MERTK: variants seen among roughly 807,000 people sequenced by gnomAD.
The protein encoded by MERTK is MER proto-oncogene, tyrosine kinase, also known as tyrosine-protein kinase Mer.
In MERTK, 69 loss-of-function variants were observed where a neutral mutation model predicts 99.3. The observed-to-expected ratio is 0.70, with a 90% CI of 0.57 to 0.85. The LOEUF (loss-of-function observed/expected upper bound fraction) is 0.85. Among genes scored for constraint, MERTK ranks in the 40% least tolerant of loss-of-function variants. The pLI is 0.00. For synonymous variants in MERTK, 426 were observed against 467.6 expected (o/e 0.91, Z 1.15); for missense variants, 1,125 against 1,249.4 (o/e 0.90, Z 1.50).
At chr2:111,962,545 G>A (rs563740300) in intron 4 of MERTK, among the ~76,000 whole-genome samples, 198 of 152,244 alleles carry the variant, frequency 1.3e-3, no homozygotes, top group African/African-American at 4.7e-3. Flanking sequence ...TAGACTTATA[G>A]AAAAACACTG....
intron 2 of MERTK, among the ~76,000 whole-genome samples, chr2:111,941,705 T>C (rs1458388175): frequency 6.6e-6 from 1 of 152,070 alleles, no homozygotes; most frequent in Non-Finnish European, 1.5e-5. Context: ...GCGACAAGTA[T>C]AATGATTTAT....
chr2:111,938,357 A>G (rs1177727755), intron 2 of MERTK, among the ~76,000 whole-genome samples: 1 of 152,026 alleles, frequency 6.6e-6, no homozygotes, highest in African/African-American at 2.4e-5. Flanking sequence ...TCAGCCTCCC[A>G]CAGTCTACTT....
intron 1 of MERTK, among the ~76,000 whole-genome samples, chr2:111,909,367 G>C (rs540397398): frequency 1.3e-5 from 2 of 152,276 alleles, no homozygotes; most frequent in South Asian, 4.1e-4. Context: ...CTTGACTCAT[G>C]ACAAGATAAC....
chr2:112,003,974 G>A lies in MERTK; in HGVS notation c.1857G>A (p.Lys619=), dbSNP rs781539402. 1.6e-5 allele frequency: 26 copies of A among 1,612,686 alleles called. No homozygotes were observed. Among genetic ancestry groups the A allele is most frequent in the Non-Finnish European group, 2.2e-5 (26 of 1,178,944 alleles). Residue 619 remains lysine, a synonymous_variant, in exon 13 of 19, where the codon AAG becomes AAA. Transcript: ENST00000295408. ...EDGTSLKVAV[K]TMKLDNSSQR... Reference sequence around the variant, plus strand: ...GGACCTCTCTGAAAGTGGCAGTGAAGACCATGAAGTGTGAGTTATCAGTGA... The same window carrying A: ...GGACCTCTCTGAAAGTGGCAGTGAAAACCATGAAGTGTGAGTTATCAGTGA...
intron 1 of MERTK, among the ~76,000 whole-genome samples, chr2:111,926,309 T>C (rs1209433709): frequency 6.6e-6 from 1 of 152,092 alleles, no homozygotes; most frequent in Admixed American, 6.5e-5. Context: ...TATATTTAAA[T>C]GGGGGAAAAA....
intron 8 of MERTK, among the ~76,000 whole-genome samples, chr2:111,991,301 C>G (rs116413133): frequency 0.01 from 1,555 of 152,270 alleles, 29 homozygotes; most frequent in African/African-American, 0.036. Context: ...TCTTGGCTCA[C>G]TGCATCCTCC....
At chr2:112,017,036 C>G (rs893145814) in intron 15 of MERTK, among the ~76,000 whole-genome samples, 14 of 152,162 alleles carry the variant, frequency 9.2e-5, no homozygotes, top group African/African-American at 3.1e-4. Context: ...AGTGAAAGAA[C>G]AAAGCTTCTA....
At chr2:111,920,569 T>C (rs1044298266) in intron 1 of MERTK, among the ~76,000 whole-genome samples, 35 of 151,958 alleles carry the variant, frequency 2.3e-4, no homozygotes, top group Non-Finnish European at 2.9e-4. Flanking sequence ...TTGTTTTTTT[T>C]TTTTCTTTTT....
intron 16 of MERTK, among the ~76,000 whole-genome samples, chr2:112,019,848 C>T (rs1677298584): frequency 6.6e-6 from 1 of 152,202 alleles, no homozygotes; most frequent in South Asian, 2.1e-4. Flanking sequence ...ATGTGTACGT[C>T]AGCTCCTCTT....
chr2:112,029,401 A>ACCT lies in MERTK; in HGVS notation c.*537_*538insCCT. ...TGAACTTACTTGAGACTTGAAAGAC[A>ACCT]GTGGTCGGCAGCGGCCTTGTGGCCT... On this transcript the variant is annotated 3_prime_UTR_variant, in exon 19 of 19. Transcript: ENST00000295408. The ACCT allele has an allele frequency of 2.2e-6, 2 of 905,450 alleles. No homozygotes were observed. Among genetic ancestry groups the ACCT allele is most frequent in the Non-Finnish European group, 2.6e-6 (2 of 756,874 alleles). 56.1% of individuals were successfully genotyped at this position (905,450 alleles called of 1,614,324 possible).
At chr2:111,955,917 A>G (rs1558785345) in intron 4 of MERTK, among the ~76,000 whole-genome samples, 1 of 147,792 alleles carries the variant, frequency 6.8e-6, no homozygotes, top group East Asian at 2.1e-4. Context: ...GAATTGAACA[A>G]TGAGAACACT....
intron 1 of MERTK, among the ~76,000 whole-genome samples, chr2:111,923,737 T>G (rs1684506488): frequency 1.3e-5 from 2 of 152,200 alleles, no homozygotes; most frequent in South Asian, 4.1e-4. Flanking sequence ...TTGATGTGGG[T>G]AAGCCTTTCA....
chr2:111,929,580 ATATTTATT>A, intron 2 of MERTK, 40 bp downstream of exon 2: 1 of 1,092,342 alleles, frequency 9.2e-7, no homozygotes, highest in Non-Finnish European at 1.3e-6. Flanking sequence ...TTTAGTTTTA[ATATTTATT>A]TATTTATTTA....
rs1677525099 is a variant in MERTK, at chr2:112,028,861, G to A, written c.2997G>A (p.Met999Ile). Residue 999 changes from methionine to isoleucine, a missense_variant, in exon 19 of 19, where the codon ATG becomes ATA. Coordinates refer to ENST00000295408, the MANE Select transcript of MERTK (RefSeq NM_006343.3). ...CCTCAGAAGGCTCAGAAGTCCTGATGTGAGGAGAGGTGCGGGGAGACATTC... is the reference window on the plus strand; with the variant it reads ...CCTCAGAAGGCTCAGAAGTCCTGATATGAGGAGAGGTGCGGGGAGACATTC... ...DDSSEGSEVLM is the reference protein window; with the variant it reads ...DDSSEGSEVLI The A allele has an allele frequency of 2.5e-6, 4 of 1,613,654 alleles. No individual in the cohort carries two copies. The highest frequency in any genetic ancestry group is 1.7e-5 in the Admixed American group (1 of 59,992).
intron 18 of MERTK, among the ~76,000 whole-genome samples, chr2:112,023,900 G>C (rs1043727352): frequency 1.3e-5 from 2 of 151,484 alleles, no homozygotes; most frequent in Admixed American, 1.3e-4. Context: ...CACACACACA[G>C]ACACACACAC....
At chr2:112,021,305 G>C (rs1446851550) in intron 16 of MERTK, 117 bp from the exon 17 acceptor site, 29 of 1,434,928 alleles carry the variant, frequency 2.0e-5, no homozygotes, top group Non-Finnish European at 2.7e-5. Context: ...ACAGGCTGGT[G>C]GTGTCTCTGT....
chr2:111,969,557 C>G lies in MERTK; in HGVS notation c.960+1305C>G, dbSNP rs146273000. 4.4e-3 allele frequency among the ~76,000 whole-genome samples: 670 copies of G among 152,286 alleles called. 10 individuals carry two copies. Among genetic ancestry groups the G allele is most frequent in the Admixed American group, 0.04 (609 of 15,288 alleles). ...TTGTGTTGACAACTAGATGTTTTTACTCGCTAGTCAAATTAATTTCTCTGT... is the reference window on the plus strand; with the variant it reads ...TTGTGTTGACAACTAGATGTTTTTAGTCGCTAGTCAAATTAATTTCTCTGT... On this transcript the variant is annotated intron_variant, in intron 6 of 18. Coordinates refer to ENST00000295408, the MANE Select transcript of MERTK (RefSeq NM_006343.3).
chr2:111,960,312 CTCCATTAAAAA>C (rs1164004899), intron 4 of MERTK, among the ~76,000 whole-genome samples: 4 of 151,906 alleles, frequency 2.6e-5, no homozygotes, highest in Non-Finnish European at 5.9e-5. Context: ...AAAACCCTGT[CTCCATTAAAAA>C]TACAAAAATT....
intron 4 of MERTK, among the ~76,000 whole-genome samples, chr2:111,948,944 A>C (rs928474340): frequency 2.7e-5 from 4 of 150,772 alleles, no homozygotes; most frequent in African/African-American, 9.8e-5. Context: ...TATCTATCCA[A>C]CCCAGCCCCA....
Sources: allele counts gnomAD v4.1 joint callset (sites outside exome capture counted in the v4.1 genomes callset), GRCh38; gene constraint gnomAD v4.1.1; transcripts MANE v1.5; gene names NCBI Gene and HGNC (gene_info 2026-07-23, HGNC 2026-07-21).